GPC1: variants seen among roughly 807,000 people sequenced by gnomAD.
The protein encoded by GPC1 is glypican-1.
A neutral mutation model predicts 51.5 loss-of-function variants in GPC1; 26 were observed. That is an observed-to-expected ratio of 0.50 (90% CI 0.37 to 0.70). The LOEUF (loss-of-function observed/expected upper bound fraction) is 0.70, where lower values mean the gene tolerates loss of function less well. Among genes scored for constraint, GPC1 ranks in the 30% least tolerant of loss-of-function variants. The pLI, the probability that GPC1 is intolerant of heterozygous loss-of-function variation, is 0.00. For synonymous variants in GPC1, 380 were observed against 348.3 expected (o/e 1.09, Z -1.01); for missense variants, 775 against 800.5 (o/e 0.97, Z 0.38).
chr2:240,450,789 T>C (rs2074092110), intron 1 of GPC1: 1 of 470,002 alleles, frequency 2.1e-6, no homozygotes, highest in South Asian at 1.6e-5. Flanking sequence ...CTTTATTCAG[T>C]ACCAGGGTAC....
rs2074274326 is a variant in GPC1, at chr2:240,467,509, G to A, written c.*1219G>A. 1 of 152,312 alleles carries A rather than the reference G, an allele frequency of 6.6e-6. No individual in the cohort carries two copies. The highest frequency in any genetic ancestry group is 1.5e-5 in the Non-Finnish European group (1 of 68,096). The allele number at this position is 152,312 out of a possible 1,614,324, so 9.4% of individuals were successfully genotyped here. ...GCCATCAGGGCCCTGCCCCAGGCCT[G>A]GACGGGCCCTCCTTCCCTCCTGTGC... On this transcript the variant is annotated 3_prime_UTR_variant, in exon 9 of 9. Transcript: ENST00000264039.
At position 240,436,000 on chromosome 2, in the gene GPC1, A is replaced by T. The variant is rs768559165; in HGVS notation, c.82A>T (p.Lys28Ter). The change falls in exon 1 of 9, where the codon AAG becomes TAG. Residue 28 changes from lysine (K) to a stop codon, truncating the protein, a stop_gained. Coordinates refer to ENST00000264039, the MANE Select transcript of GPC1 (RefSeq NM_002081.3). LOFTEE classifies it high-confidence loss of function. Reference sequence around the variant, plus strand: ...CTGCGCCCGCGGGGACCCGGCCAGCAAGAGCCGGAGCTGCGGCGAGGTCCG... The same window carrying T: ...CTGCGCCCGCGGGGACCCGGCCAGCTAGAGCCGGAGCTGCGGCGAGGTCCG... Reference protein sequence around the residue: ...VACARGDPASKSRSCGEVRQI... With the variant: ...VACARGDPAS 7.2e-7 allele frequency: 1 copy of T among 1,383,476 alleles called. No individual in the cohort carries two copies. Among genetic ancestry groups the T allele is most frequent in the South Asian group, 1.7e-5 (1 of 59,080 alleles). 85.7% of individuals were successfully genotyped at this position (1,383,476 alleles called of 1,614,324 possible). A position where few individuals can be genotyped will look rare whatever the true frequency, so the allele number is the denominator to read the frequency against.
At chr2:240,436,335 C>G (rs535133377) in intron 1 of GPC1, among the ~76,000 whole-genome samples, 96 of 152,238 alleles carry the variant, frequency 6.3e-4, no homozygotes, top group Non-Finnish European at 1.0e-3. Context: ...CTCCCCGCCC[C>G]CCGCACGCCG....
At chr2:240,438,168 C>T (rs1243962203) in intron 1 of GPC1, among the ~76,000 whole-genome samples, 1 of 152,204 alleles carries the variant, frequency 6.6e-6, no homozygotes, top group Non-Finnish European at 1.5e-5. Context: ...GGGTGCCACC[C>T]TCCTCCAGAC....
chr2:240,447,891 C>T lies in GPC1; in HGVS notation c.167-11139C>T, dbSNP rs368551310. Among the ~76,000 whole-genome samples, 5 of 152,296 alleles carry T rather than the reference C, an allele frequency of 3.3e-5. No homozygotes were observed. The South Asian group carries it at 6.2e-4, about 19-fold the overall frequency. On this transcript the variant is annotated intron_variant, in intron 1 of 8. Coordinates refer to ENST00000264039, the MANE Select transcript of GPC1 (RefSeq NM_002081.3). ...CCACATCTGCCTGGACAGGAGGCCC[C>T]GTCATTGTCACCGGCGCAGCTGCTT...
rs201724796 is a variant in GPC1, at chr2:240,466,286, G to A, written c.1673G>A (p.Arg558Gln). ...LALTVARPRW[R>Q] ...CTTACAGTAGCCAGGCCCCGGTGGCGGTAACTGCCCCAAGGCCCCAGGGAC... is the reference window on the plus strand; with the variant it reads ...CTTACAGTAGCCAGGCCCCGGTGGCAGTAACTGCCCCAAGGCCCCAGGGAC... Residue 558 changes from arginine (R) to glutamine (Q), a missense_variant, in exon 9 of 9, where the codon CGG (arginine) becomes CAG (glutamine). Coordinates refer to ENST00000264039, the MANE Select transcript of GPC1 (RefSeq NM_002081.3). 2.8e-5 allele frequency: 43 copies of A among 1,563,568 alleles called. No homozygotes were observed. The highest frequency in any genetic ancestry group is 1.4e-4 in the African/African-American group (10 of 74,070).
intron 1 of GPC1, among the ~76,000 whole-genome samples, chr2:240,439,425 T>C (rs1383666047): frequency 6.6e-6 from 1 of 152,120 alleles, no homozygotes; most frequent in Non-Finnish European, 1.5e-5. Flanking sequence ...GGCATGGGAC[T>C]GTCGGTGGCA....
chr2:240,460,322 C>G (rs914839256), intron 2 of GPC1, among the ~76,000 whole-genome samples: 22 of 152,132 alleles, frequency 1.4e-4, no homozygotes, highest in African/African-American at 5.1e-4. Flanking sequence ...CCCAGCTGGA[C>G]CCGGGGAGCG....
At chr2:240,457,881 G>A in intron 1 of GPC1, 1 of 358,476 alleles carries the variant, frequency 2.8e-6, no homozygotes, top group South Asian at 2.0e-5. Context: ...CAGTCCTGAG[G>A]AAAGTTGCTG....
chr2:240,458,840 G>C (rs538236655), intron 1 of GPC1, 190 bp from the exon 2 acceptor site: 125 of 578,206 alleles, frequency 2.2e-4, no homozygotes, highest in Non-Finnish European at 3.2e-4. Flanking sequence ...CTACGGGACC[G>C]AAGCCAGGCC....
intron 4 of GPC1, 136 bp downstream of exon 4, chr2:240,463,648 C>T (rs1354249796): frequency 2.9e-6 from 2 of 696,502 alleles, no homozygotes; most frequent in African/African-American, 1.8e-5. Context: ...CGGGCCAGAT[C>T]TGGGTGGTGC....
In GPC1 at chr2:240,463,349, C is replaced by G; in HGVS notation, c.720C>G (p.Val240=). 1 of 1,612,138 alleles carries G rather than the reference C, an allele frequency of 6.2e-7. No homozygotes were observed. The highest frequency in any genetic ancestry group is 2.2e-5 in the East Asian group (1 of 44,848). Residue 240 remains valine, a splice_region_variant and synonymous_variant, in exon 4 of 9, where the codon GTC becomes GTG. Coordinates refer to ENST00000264039, the MANE Select transcript of GPC1 (RefSeq NM_002081.3). ...GCTTAGGGTCCCTTGCTCCCCAGGT[C>G]CCCCTGGGCCCGGAGTGCTCGAGAG... ...ASDVVRKVAQ[V]PLGPECSRAV...
At chr2:240,447,256 A>G (rs561717172) in intron 1 of GPC1, among the ~76,000 whole-genome samples, 2 of 152,304 alleles carry the variant, frequency 1.3e-5, no homozygotes, top group East Asian at 3.9e-4. Context: ...TCCCTCAAGC[A>G]GAGATCCCTC....
At chr2:240,451,412 G>T in intron 1 of GPC1, 1 of 376,914 alleles carries the variant, frequency 2.7e-6, no homozygotes. Context: ...TGGGTGTACG[G>T]GAAGCTAGAT....
chr2:240,456,902 A>G (rs551132115), intron 1 of GPC1, among the ~76,000 whole-genome samples: 31 of 152,190 alleles, frequency 2.0e-4, no homozygotes, highest in Non-Finnish European at 3.5e-4. Context: ...GTGGGGAAGG[A>G]GCACCCCTTC....
chr2:240,441,698 TTGTC>T (rs780261488), intron 1 of GPC1, among the ~76,000 whole-genome samples: 6 of 152,176 alleles, frequency 3.9e-5, no homozygotes, highest in African/African-American at 1.2e-4. Flanking sequence ...TGGCTTTTCT[TTGTC>T]TGGGAACAGG....
chr2:240,450,898 G>A (rs1386393832), intron 1 of GPC1: 1 of 412,134 alleles, frequency 2.4e-6, no homozygotes, highest in East Asian at 7.2e-5. Context: ...TGTTGGGACT[G>A]GAGGCCAGAG....
intron 1 of GPC1, among the ~76,000 whole-genome samples, chr2:240,445,119 G>C (rs1449260459): frequency 1.3e-5 from 2 of 152,148 alleles, no homozygotes; most frequent in African/African-American, 4.8e-5. Flanking sequence ...CGAGCCTGGC[G>C]GGGGGCTGTA....
intron 1 of GPC1, among the ~76,000 whole-genome samples, chr2:240,446,084 C>A (rs80157718): frequency 0.013 from 2,025 of 152,364 alleles, 27 homozygotes; most frequent in African/African-American, 0.028. Context: ...AGAGAAAGTC[C>A]GGCTGACCTG....
Sources: gnomAD v4.1 joint callset for allele counts (sites outside exome capture counted in the v4.1 genomes callset) on GRCh38, gnomAD v4.1.1 for gene constraint, MANE v1.5 for transcripts, NCBI Gene and HGNC (gene_info 2026-07-23, HGNC 2026-07-21) for gene names.